Variants in PRKCA observed in about 807,000 individuals in gnomAD.
PRKCA encodes the protein protein kinase C alpha.
A neutral mutation model predicts 87.0 loss-of-function variants in PRKCA; 27 were observed. That is an observed-to-expected ratio of 0.31 (90% CI 0.23 to 0.43). The LOEUF (loss-of-function observed/expected upper bound fraction) is 0.43. Among genes scored for constraint, PRKCA ranks in the 20% least tolerant of loss-of-function variants. PRKCA has a pLI of 1.00. For missense variants in PRKCA, 518 were observed against 852.3 expected (o/e 0.61, Z 4.88); for synonymous variants, 329 against 311.1 (o/e 1.06, Z -0.61).
At chr17:66,673,587 A>C (rs1972249519) in intron 5 of PRKCA, among the ~76,000 whole-genome samples, 1 of 152,252 alleles carries the variant, frequency 6.6e-6, no homozygotes, top group Admixed American at 6.5e-5. Context: ...GAAAGAGATC[A>C]CATCAGAAAT....
intron 8 of PRKCA, 38 bp from the exon 9 acceptor site, chr17:66,732,650 A>C: frequency 6.2e-7 from 1 of 1,612,982 alleles, no homozygotes; most frequent in East Asian, 2.2e-5. Context: ...TCCCCAGAAA[A>C]ATGACCCACG....
intron 5 of PRKCA, among the ~76,000 whole-genome samples, chr17:66,654,469 G>A (rs890954860): frequency 2.6e-5 from 4 of 152,170 alleles, no homozygotes; most frequent in African/African-American, 7.2e-5. Flanking sequence ...AGGAAACTGA[G>A]GCTTGTAGAG....
At chr17:66,647,122 A>ATGAGCTAGGCCG (rs1971478381) in intron 5 of PRKCA, among the ~76,000 whole-genome samples, 2 of 151,856 alleles carry the variant, frequency 1.3e-5, no homozygotes, top group Non-Finnish European at 2.9e-5. Flanking sequence ...CTCGGGGGCC[A>ATGAGCTAGGCCG]TGAGACCCCT....
intron 2 of PRKCA, among the ~76,000 whole-genome samples, chr17:66,457,576 C>T (rs1914627418): frequency 6.6e-6 from 1 of 152,120 alleles, no homozygotes; most frequent in Non-Finnish European, 1.5e-5. Flanking sequence ...CCATAATCCC[C>T]ATGTGGAAGG....
chr17:66,638,435 G>A (rs1247196434), intron 3 of PRKCA: 1 of 152,008 alleles, frequency 6.6e-6, no homozygotes, highest in Non-Finnish European at 1.5e-5. Context: ...TAACATCTCT[G>A]TAAAACGAGG....
At chr17:66,340,997 C>A (rs1907010324) in intron 2 of PRKCA, among the ~76,000 whole-genome samples, 1 of 152,078 alleles carries the variant, frequency 6.6e-6, no homozygotes, top group African/African-American at 2.4e-5. Flanking sequence ...TTTATTCCTG[C>A]AAGCATGACA....
At chr17:66,596,657 G>T (rs1192281035) in intron 3 of PRKCA, among the ~76,000 whole-genome samples, 1 of 103,022 alleles carries the variant, frequency 9.7e-6, no homozygotes, top group Non-Finnish European at 1.8e-5. Flanking sequence ...GTATACATGT[G>T]CCATGCTGGT....
intron 2 of PRKCA, among the ~76,000 whole-genome samples, chr17:66,466,182 G>A (rs1461151340): frequency 6.6e-6 from 1 of 152,242 alleles, no homozygotes; most frequent in Non-Finnish European, 1.5e-5. Context: ...GGATGGGTCT[G>A]GATCTCCTCA....
At chr17:66,676,958 G>A (rs16959967) in intron 5 of PRKCA, among the ~76,000 whole-genome samples, 5,633 of 152,228 alleles carry the variant, frequency 0.037, 353 homozygotes, top group African/African-American at 0.12. Context: ...GAAGTAGAGC[G>A]TCCTTTTTTG....
chr17:66,394,935 T>G (rs1598636888), intron 2 of PRKCA, among the ~76,000 whole-genome samples: 1 of 152,360 alleles, frequency 6.6e-6, no homozygotes, highest in Middle Eastern at 3.4e-3. Flanking sequence ...GTTAAACTGC[T>G]TTAGTTTATA....
intron 2 of PRKCA, among the ~76,000 whole-genome samples, chr17:66,349,129 T>C (rs1907580312): frequency 6.6e-6 from 1 of 152,182 alleles, no homozygotes; most frequent in Admixed American, 6.5e-5. Flanking sequence ...AACGGTTTGC[T>C]CTCTTCCTGT....
At chr17:66,769,782 G>A (rs566374551) in intron 13 of PRKCA, among the ~76,000 whole-genome samples, 1 of 152,342 alleles carries the variant, frequency 6.6e-6, no homozygotes, top group South Asian at 2.1e-4. Context: ...ATTGGGTCTT[G>A]TGATCCTTTT....
chr17:66,691,488 A>G lies in PRKCA; in HGVS notation c.918+2441A>G, dbSNP rs1354607782. 3.9e-5 allele frequency among the ~76,000 whole-genome samples: 6 copies of G among 152,174 alleles called. No individual in the cohort carries two copies. In the East Asian group the frequency reaches 1.2e-3, roughly 29 times the overall value. On this transcript the variant is annotated intron_variant, in intron 8 of 16. Coordinates refer to ENST00000413366, the MANE Select transcript of PRKCA (RefSeq NM_002737.3). ...TCTATGCCAGGCATAGCTCCTTTTCAATTTGTATTTCTTCCCTTGCTTCAT... is the reference window on the plus strand; with the variant it reads ...TCTATGCCAGGCATAGCTCCTTTTCGATTTGTATTTCTTCCCTTGCTTCAT...
At chr17:66,536,967 A>G (rs1967812248) in intron 3 of PRKCA, among the ~76,000 whole-genome samples, 1 of 152,188 alleles carries the variant, frequency 6.6e-6, no homozygotes, top group African/African-American at 2.4e-5. Flanking sequence ...TATCCAGTGC[A>G]TACAGCTGGG....
At chr17:66,308,130 CA>C (rs911261055) in intron 2 of PRKCA, among the ~76,000 whole-genome samples, 2 of 152,152 alleles carry the variant, frequency 1.3e-5, no homozygotes, top group African/African-American at 4.8e-5. Flanking sequence ...ATACCTTTGT[CA>C]AGAGCATTAT....
At chr17:66,501,876 G>A (rs1356927691) in intron 3 of PRKCA, among the ~76,000 whole-genome samples, 2 of 152,186 alleles carry the variant, frequency 1.3e-5, no homozygotes, top group East Asian at 3.9e-4. Flanking sequence ...CTGCTGAAGG[G>A]CAGCAAGTGC....
In PRKCA at chr17:66,774,313, G is replaced by A. The variant is rs567221147; in HGVS notation, c.1605+246G>A. 2,097 of 1,338,164 alleles carry A rather than the reference G, an allele frequency of 1.6e-3. 2 individuals carry two copies. Among genetic ancestry groups the A allele is most frequent in the Non-Finnish European group, 1.9e-3 (1,972 of 1,037,598 alleles). The allele number at this position is 1,338,164 out of a possible 1,614,324, so 82.9% of individuals were successfully genotyped here. On this transcript the variant is annotated intron_variant, in intron 14 of 16. Transcript: ENST00000413366. ...ACAACCTGGAGTGTAGACAGTGTCA[G>A]TTTCACGTTATGAAATGTACATGTT...
rs80249247 is a variant in PRKCA, at chr17:66,427,599, T to C, written c.206-68602T>C. Among the ~76,000 whole-genome samples, 512 of 152,358 alleles carry C rather than the reference T, an allele frequency of 3.4e-3. 2 individuals carry two copies. Among genetic ancestry groups the C allele is most frequent in the African/African-American group, 0.012 (483 of 41,588 alleles). On this transcript the variant is annotated intron_variant, in intron 2 of 16. Coordinates refer to ENST00000413366, the MANE Select transcript of PRKCA (RefSeq NM_002737.3). ...TTTTGTACCTCTTAACTGGAGATTG[T>C]CCTGTAGGCAAGGGCTTTCTAGAGC...
At chr17:66,312,732 C>CTTTTTTT (rs536411779) in intron 2 of PRKCA, among the ~76,000 whole-genome samples, 5 of 106,362 alleles carry the variant, frequency 4.7e-5, no homozygotes, top group African/African-American at 7.3e-5. Context: ...ATCGTAGGAC[C>CTTTTTTT]TTTTTTTTTT....
Sources: gnomAD v4.1 joint callset for allele counts (sites outside exome capture counted in the v4.1 genomes callset) on GRCh38, gnomAD v4.1.1 for gene constraint, MANE v1.5 for transcripts, NCBI Gene and HGNC (gene_info 2026-07-23, HGNC 2026-07-21) for gene names.